The following NUS1 variants were observed in gnomAD, a reference collection of about 807,000 sequenced individuals.
NUS1 encodes the protein NUS1 dehydrodolichyl diphosphate synthase subunit.
For synonymous variants in NUS1, 135 were observed against 155.2 expected (o/e 0.87, Z 0.97); for missense variants, 292 against 382.9 (o/e 0.76, Z 1.98).
intron 3 of NUS1, among the ~76,000 whole-genome samples, chr6:117,702,269 TC>T (rs753939163): frequency 3.3e-5 from 5 of 152,214 alleles, no homozygotes; most frequent in East Asian, 1.9e-4. Context: ...TTTTCATTGT[TC>T]CTTTTCCTTC....
intron 1 of NUS1, among the ~76,000 whole-genome samples, chr6:117,676,643 T>C (rs1405806202): frequency 2.0e-5 from 3 of 152,236 alleles, no homozygotes; most frequent in Non-Finnish European, 2.9e-5. Flanking sequence ...ACTGCAGTAA[T>C]GTAGATGGTA....
At chr6:117,687,417 T>A (rs1773156192) in intron 1 of NUS1, among the ~76,000 whole-genome samples, 1 of 152,044 alleles carries the variant, frequency 6.6e-6, no homozygotes, top group Admixed American at 6.6e-5. Context: ...GTGGAGAGAT[T>A]TAAGCTATAA....
At chr6:117,684,799 AG>A (rs948432403) in intron 1 of NUS1, among the ~76,000 whole-genome samples, 2 of 152,228 alleles carry the variant, frequency 1.3e-5, no homozygotes, top group African/African-American at 4.8e-5. Context: ...TTATATTTTA[AG>A]AACTGAAAAA....
intron 3 of NUS1, among the ~76,000 whole-genome samples, chr6:117,695,963 G>T (rs11153695): frequency 0.73 from 110,349 of 152,008 alleles, 41,226 homozygotes; most frequent in Non-Finnish European, 0.84. Flanking sequence ...TAATGCACAT[G>T]TGGTTTGTTT....
intron 1 of NUS1, among the ~76,000 whole-genome samples, chr6:117,681,924 C>T (rs949102758): frequency 5.9e-5 from 9 of 152,280 alleles, no homozygotes; most frequent in Middle Eastern, 3.4e-3. Flanking sequence ...CCTCTGCCTC[C>T]GGGGTTCAAG....
intron 2 of NUS1, 43 bp from the exon 3 acceptor site, chr6:117,693,988 G>C: frequency 6.3e-7 from 1 of 1,584,154 alleles, no homozygotes; most frequent in Non-Finnish European, 8.6e-7. Context: ...AATATACCTG[G>C]AAGAGAGTGT....
chr6:117,699,474 GA>G (rs1195389652), intron 3 of NUS1, among the ~76,000 whole-genome samples: 3 of 152,120 alleles, frequency 2.0e-5, no homozygotes, highest in African/African-American at 7.2e-5. Flanking sequence ...AAACATTGAT[GA>G]GAGAAATTAA....
At position 117,708,089 on chromosome 6, in the gene NUS1, C is replaced by T. The variant is rs1225984535; in HGVS notation, c.*1074C>T. ...GCACATTTTAGGGGCATGGTTAATA[C>T]CTGAGATTTTTACTCAGTAAATCCT... On this transcript the variant is annotated 3_prime_UTR_variant, in exon 5 of 5. Transcript: ENST00000368494. 2.0e-5 allele frequency: 3 copies of T among 152,192 alleles called. No homozygotes were observed. Among genetic ancestry groups the T allele is most frequent in the Admixed American group, 1.3e-4 (2 of 15,278 alleles). 9.4% of individuals were successfully genotyped at this position (152,192 alleles called of 1,614,324 possible).
At chr6:117,702,939 A>AGT (rs1218198120) in intron 3 of NUS1, among the ~76,000 whole-genome samples, 1 of 152,074 alleles carries the variant, frequency 6.6e-6, no homozygotes, top group Non-Finnish European at 1.5e-5. Context: ...CTATTGAAAT[A>AGT]CCCTTGTCCT....
chr6:117,682,162 C>T (rs1375465739), intron 1 of NUS1, among the ~76,000 whole-genome samples: 1 of 152,102 alleles, frequency 6.6e-6, no homozygotes, highest in Non-Finnish European at 1.5e-5. Context: ...TCCTAACTAT[C>T]ATCTCTGAAG....
chr6:117,692,152 A>C (rs1172356552), intron 1 of NUS1, among the ~76,000 whole-genome samples: 1 of 152,058 alleles, frequency 6.6e-6, no homozygotes. Context: ...GTTTGATGGA[A>C]AAGATTTAAG....
Position 117,677,790 on chromosome 6 carries a change from A to G in NUS1, c.415+1705A>G, listed in dbSNP as rs888780685. Among the ~76,000 whole-genome samples, 8 of 152,230 alleles carry G rather than the reference A, an allele frequency of 5.3e-5. No individual in the cohort carries two copies. In the East Asian group the frequency reaches 1.3e-3, roughly 26 times the overall value. ...ACTTGCTAAAGAACTCAGCAGACCA[A>G]TAGAAATCATGAGACTGTTAGGAGA... On this transcript the variant is annotated intron_variant, in intron 1 of 4. Transcript: ENST00000368494.
chr6:117,687,532 A>T lies in NUS1; in HGVS notation c.416-5510A>T, dbSNP rs148889604. On this transcript the variant is annotated intron_variant, in intron 1 of 4. Transcript: ENST00000368494. ...GGAATGGGGCACATCTGGCTGGGGA[A>T]TTGGGAAAGGCCTCTTGAAGGTAAA... is the stretch of plus-strand genomic sequence containing the variant. 4.3e-3 allele frequency among the ~76,000 whole-genome samples: 647 copies of T among 152,214 alleles called. 2 individuals carry two copies. Among genetic ancestry groups the T allele is most frequent in the African/African-American group, 0.015 (605 of 41,562 alleles).
intron 4 of NUS1, among the ~76,000 whole-genome samples, chr6:117,706,004 CTT>C (rs1439895743): frequency 6.6e-6 from 1 of 152,080 alleles, no homozygotes; most frequent in Non-Finnish European, 1.5e-5. Context: ...TTTGTTCACT[CTT>C]TTTTTGTGGT....
intron 1 of NUS1, among the ~76,000 whole-genome samples, chr6:117,680,606 C>T (rs537375648): frequency 4.7e-4 from 72 of 152,288 alleles, no homozygotes; most frequent in African/African-American, 1.7e-3. Context: ...GGGACCTGGG[C>T]GTCTCTGTTT....
At chr6:117,685,025 T>C (rs1180098458) in intron 1 of NUS1, among the ~76,000 whole-genome samples, 5 of 152,350 alleles carry the variant, frequency 3.3e-5, no homozygotes, top group East Asian at 3.9e-4. Flanking sequence ...CCAGTAGTTA[T>C]GGGGAAGGTT....
chr6:117,685,196 A>T (rs1416691843), intron 1 of NUS1, among the ~76,000 whole-genome samples: 1 of 152,192 alleles, frequency 6.6e-6, no homozygotes, highest in African/African-American at 2.4e-5. Context: ...AGTCTTTCTG[A>T]GGTATAACTT....
At chr6:117,701,004 CAA>C (rs141001582) in intron 3 of NUS1, among the ~76,000 whole-genome samples, 4 of 130,736 alleles carry the variant, frequency 3.1e-5, no homozygotes, top group African/African-American at 1.1e-4. Flanking sequence ...CTACTGTGTA[CAA>C]AAAAAAAAAT....
At chr6:117,693,670 C>T (rs1773276144) in intron 2 of NUS1, among the ~76,000 whole-genome samples, 1 of 152,060 alleles carries the variant, frequency 6.6e-6, no homozygotes, top group South Asian at 2.1e-4. Context: ...TTCTTTTATT[C>T]TGTGTTACTG....
Sources: gnomAD v4.1 joint callset for allele counts (sites outside exome capture counted in the v4.1 genomes callset) on GRCh38, gnomAD v4.1.1 for gene constraint, MANE v1.5 for transcripts, NCBI Gene and HGNC (gene_info 2026-07-23, HGNC 2026-07-21) for gene names.